SPAG16: variants seen among roughly 807,000 people sequenced by gnomAD.
SPAG16 encodes sperm-associated antigen 16 protein.
A neutral mutation model predicts 80.4 loss-of-function variants in SPAG16; 86 were observed. The observed-to-expected ratio is 1.07, with a 90% CI of 0.90 to 1.28. The LOEUF is 1.28. Ranked by LOEUF, SPAG16 falls within the 50% of genes most tolerant of loss-of-function variation. The pLI is 0.00. For missense variants in SPAG16, 870 were observed against 765.3 expected (o/e 1.14, Z -1.61); for synonymous variants, 294 against 265.9 (o/e 1.11, Z -1.03).
At chr2:213,848,021 C>T (rs1174551234) in intron 10 of SPAG16, among the ~76,000 whole-genome samples, 1 of 152,150 alleles carries the variant, frequency 6.6e-6, no homozygotes, top group African/African-American at 2.4e-5. Context: ...TATTAAAGGA[C>T]AGGTGATTAA....
At chr2:213,591,709 AGT>A (rs2060698108) in intron 10 of SPAG16, among the ~76,000 whole-genome samples, 1 of 152,166 alleles carries the variant, frequency 6.6e-6, no homozygotes, top group South Asian at 2.1e-4. Flanking sequence ...GCCAAGGAAC[AGT>A]GTGTGTGGCA....
chr2:213,806,859 G>T (rs2071798874), intron 10 of SPAG16, among the ~76,000 whole-genome samples: 1 of 152,040 alleles, frequency 6.6e-6, no homozygotes, highest in Non-Finnish European at 1.5e-5. Flanking sequence ...CTAGTCTCTA[G>T]ACAATTTTAA....
intron 13 of SPAG16, among the ~76,000 whole-genome samples, chr2:214,097,067 G>C (rs1439632087): frequency 5.3e-5 from 8 of 151,792 alleles, no homozygotes; most frequent in Admixed American, 1.3e-4. Flanking sequence ...GTTTTACCTT[G>C]TTCAAATAAA....
chr2:214,191,466 A>G (rs1310686911), intron 15 of SPAG16, among the ~76,000 whole-genome samples: 1 of 152,076 alleles, frequency 6.6e-6, no homozygotes, highest in Non-Finnish European at 1.5e-5. Context: ...TAATCCCAGC[A>G]CTTTGGGAGA....
chr2:213,904,975 G>T (rs1223741603), intron 11 of SPAG16, among the ~76,000 whole-genome samples: 1 of 152,230 alleles, frequency 6.6e-6, no homozygotes, highest in East Asian at 1.9e-4. Flanking sequence ...GCATAAAAAG[G>T]ATTCTTCAGG....
intron 15 of SPAG16, among the ~76,000 whole-genome samples, chr2:214,268,268 A>C (rs1389650654): frequency 6.6e-6 from 1 of 151,814 alleles, no homozygotes; most frequent in Admixed American, 6.6e-5. Flanking sequence ...ACGTTCCTTT[A>C]TTGTGAGATC....
At chr2:213,334,224 TC>T (rs2064240792) in intron 5 of SPAG16, among the ~76,000 whole-genome samples, 2 of 152,266 alleles carry the variant, frequency 1.3e-5, no homozygotes, top group Admixed American at 1.3e-4. Flanking sequence ...ACATCATTGA[TC>T]ATCAGGCAAA....
chr2:214,144,821 A>G (rs2055554520), intron 14 of SPAG16, among the ~76,000 whole-genome samples: 1 of 152,120 alleles, frequency 6.6e-6, no homozygotes, highest in South Asian at 2.1e-4. Context: ...AGTTGAACCA[A>G]GAAACTACTT....
intron 5 of SPAG16, among the ~76,000 whole-genome samples, chr2:213,331,305 G>A (rs1015809721): frequency 6.6e-6 from 1 of 152,178 alleles, no homozygotes; most frequent in Non-Finnish European, 1.5e-5. Flanking sequence ...CCACTGCCTT[G>A]AAGGGAAGAA....
chr2:214,324,468 A>C (rs1471465662), intron 15 of SPAG16, among the ~76,000 whole-genome samples: 2 of 152,182 alleles, frequency 1.3e-5, no homozygotes, highest in Admixed American at 6.5e-5. Flanking sequence ...CCTCTCTAAG[A>C]ATATCCTAGG....
intron 14 of SPAG16, among the ~76,000 whole-genome samples, chr2:214,148,427 CTTCT>C (rs2125563947): frequency 6.6e-6 from 1 of 152,246 alleles, no homozygotes; most frequent in Admixed American, 6.5e-5. Flanking sequence ...TTCACCCTTC[CTTCT>C]GTTTTCCTTC....
At chr2:213,493,993 C>T (rs1022125903) in intron 10 of SPAG16, among the ~76,000 whole-genome samples, 11 of 152,164 alleles carry the variant, frequency 7.2e-5, no homozygotes, top group Non-Finnish European at 1.2e-4. Context: ...AGCCACTCCC[C>T]GTGTCCACCA....
intron 3 of SPAG16, among the ~76,000 whole-genome samples, chr2:213,300,343 T>A (rs2062688649): frequency 6.6e-6 from 1 of 152,222 alleles, no homozygotes; most frequent in African/African-American, 2.4e-5. Flanking sequence ...TTAACTATTT[T>A]TGGAGAAGAC....
At chr2:213,702,923 G>C (rs187003290) in intron 10 of SPAG16, among the ~76,000 whole-genome samples, 1 of 152,180 alleles carries the variant, frequency 6.6e-6, no homozygotes, top group Non-Finnish European at 1.5e-5. Flanking sequence ...GGGTTTTGCC[G>C]TGACTGTGTT....
chr2:213,834,539 T>G (rs2073971899), intron 10 of SPAG16, among the ~76,000 whole-genome samples: 1 of 152,180 alleles, frequency 6.6e-6, no homozygotes, highest in South Asian at 2.1e-4. Context: ...GAATGAGGAT[T>G]GTATGACTCA....
At chr2:214,245,328 C>T (rs1207384811) in intron 15 of SPAG16, among the ~76,000 whole-genome samples, 2 of 152,088 alleles carry the variant, frequency 1.3e-5, no homozygotes, top group Non-Finnish European at 2.9e-5. Context: ...CATCTCTTTC[C>T]CCTAGTCCCC....
At chr2:214,083,257 C>A (rs560029747) in intron 13 of SPAG16, among the ~76,000 whole-genome samples, 1 of 152,264 alleles carries the variant, frequency 6.6e-6, no homozygotes, top group African/African-American at 2.4e-5. Flanking sequence ...CTCATAGACA[C>A]ATCCCCAAAG....
intron 11 of SPAG16, among the ~76,000 whole-genome samples, chr2:213,887,763 ATG>A (rs796633329): frequency 8.6e-5 from 13 of 151,838 alleles, no homozygotes; most frequent in African/African-American, 2.9e-4. Context: ...AGCTGCCAAC[ATG>A]TAAAGAAACA....
At chr2:213,922,435 C>A (rs1000429305) in intron 11 of SPAG16, among the ~76,000 whole-genome samples, 5 of 152,130 alleles carry the variant, frequency 3.3e-5, no homozygotes, top group African/African-American at 1.2e-4. Flanking sequence ...TATCATTTTA[C>A]TGTGATTCTT....
Sources: allele counts gnomAD v4.1 joint callset (sites outside exome capture counted in the v4.1 genomes callset), GRCh38; gene constraint gnomAD v4.1.1; transcripts MANE v1.5; gene names NCBI Gene and HGNC (gene_info 2026-07-23, HGNC 2026-07-21).